Variants in BTD observed in about 807,000 individuals in gnomAD.
The protein encoded by BTD is biotinidase.
In BTD, 13 loss-of-function variants were observed where a neutral mutation model predicts 17.7. The ratio of observed to expected loss-of-function variants is 0.74; its 90% CI spans 0.48 to 1.17. The LOEUF (loss-of-function observed/expected upper bound fraction) is 1.17. Ranked by LOEUF, BTD falls within the 50% of genes most tolerant of loss-of-function variation. The probability of loss-of-function intolerance (pLI) is 0.00; values close to 1 mark genes in which losing one functional copy is unlikely to be tolerated. For synonymous variants in BTD, 240 were observed against 245.2 expected, an observed-to-expected ratio of 0.98 and a Z score of 0.20; for missense variants, 674 against 650.4, an observed-to-expected ratio of 1.04 and a Z score of -0.39.
rs2065740978 is a variant in BTD at position 15,648,330 on chromosome 3, T to C, written c.*2842T>C. ...AAAGGCCTAGATTTGAGACAAGAGCTGATGTGGCCTGAAGATCTGTGAGTG... is the reference window on the plus strand; with the variant it reads ...AAAGGCCTAGATTTGAGACAAGAGCCGATGTGGCCTGAAGATCTGTGAGTG... On this transcript the variant is annotated 3_prime_UTR_variant, in exon 4 of 4. Coordinates refer to ENST00000643237, the MANE Select transcript of BTD (RefSeq NM_001370658.1). Among the ~76,000 whole-genome samples the C allele has an allele frequency of 6.6e-6, 1 of 152,242 alleles. No individual in the cohort carries two copies. The highest frequency in any genetic ancestry group is 6.5e-5 in the Admixed American group (1 of 15,290).
intron 3 of BTD, among the ~76,000 whole-genome samples, chr3:15,666,899 T>C (rs546668377): frequency 2.0e-5 from 3 of 152,340 alleles, no homozygotes; most frequent in African/African-American, 7.2e-5. Flanking sequence ...CCCAATGTGA[T>C]CTTATTCTGT....
chr3:15,672,389 G>A (rs955801472), intron 3 of BTD, among the ~76,000 whole-genome samples: 7 of 152,008 alleles, frequency 4.6e-5, no homozygotes, highest in Admixed American at 6.5e-5. Flanking sequence ...TGATCTTCCC[G>A]CCTCTGCCTC....
chr3:15,654,322 G>C (rs2065849114), downstream of BTD, among the ~76,000 whole-genome samples: 1 of 152,108 alleles, frequency 6.6e-6, no homozygotes, highest in African/African-American at 2.4e-5. Flanking sequence ...TATGTGGGCA[G>C]ACAGCATTGC....
downstream of BTD, among the ~76,000 whole-genome samples, chr3:15,717,280 G>A (rs2073180575): frequency 6.6e-6 from 1 of 152,074 alleles, no homozygotes. Flanking sequence ...GGCCTGGTTA[G>A]AATCCTTTAT....
At chr3:15,667,746 G>T (rs552430875) in intron 3 of BTD, 1 of 152,344 alleles carries the variant, frequency 6.6e-6, no homozygotes, top group African/African-American at 2.4e-5. Flanking sequence ...CAAAAGTAAT[G>T]AAATAGTTTT....
downstream of BTD, among the ~76,000 whole-genome samples, chr3:15,716,923 C>T (rs2073144054): frequency 6.6e-6 from 1 of 152,268 alleles, no homozygotes; most frequent in Non-Finnish European, 1.5e-5. Context: ...GATGGTGCCA[C>T]TGCACTCTGG....
intron 1 of BTD, among the ~76,000 whole-genome samples, chr3:15,605,245 T>A (rs891297258): frequency 2.0e-5 from 3 of 152,152 alleles, no homozygotes; most frequent in African/African-American, 7.2e-5. Context: ...TGGTGGAAGA[T>A]GAAGGAGGAG....
rs1156865072 is a variant in BTD, at chr3:15,647,672, T to G, written c.*2184T>G. On this transcript the variant is annotated 3_prime_UTR_variant, in exon 4 of 4. Coordinates refer to ENST00000643237, the MANE Select transcript of BTD (RefSeq NM_001370658.1). Reference sequence around the variant, plus strand: ...TGACTAATGGTTGTGATTATGTTTTTGTCGATTGTGATCCTGAAACTCAGG... The same window carrying G: ...TGACTAATGGTTGTGATTATGTTTTGGTCGATTGTGATCCTGAAACTCAGG... 1 of 152,260 alleles carries G rather than the reference T, an allele frequency of 6.6e-6. No homozygotes were observed. The highest frequency in any genetic ancestry group is 1.5e-5 in the Non-Finnish European group (1 of 68,054). The allele number at this position is 152,260 out of a possible 1,614,324, so 9.4% of individuals were successfully genotyped here. A position where few individuals can be genotyped will look rare whatever the true frequency, so the allele number is the denominator to read the frequency against.
chr3:15,690,339 CA>C, intron 3 of BTD: 1 of 787,380 alleles, frequency 1.3e-6, no homozygotes, highest in East Asian at 2.7e-5. Context: ...TGAGATAATC[CA>C]AACTTCTACA....
intron 1 of BTD, among the ~76,000 whole-genome samples, chr3:15,605,074 C>T (rs575634052): frequency 2.7e-4 from 41 of 152,294 alleles, no homozygotes; most frequent in African/African-American, 7.2e-4. Flanking sequence ...TCCACAGTTT[C>T]GGCTGTCTTT....
At chr3:15,722,236 G>A (rs1207284977) in exon 5 of BTD, among the ~76,000 whole-genome samples, 1 of 152,126 alleles carries the variant, frequency 6.6e-6, no homozygotes. Flanking sequence ...TGTATTTGGA[G>A]ACTGAAATCA....
chr3:15,687,850 C>T (rs961734865), intron 3 of BTD, among the ~76,000 whole-genome samples: 4 of 152,232 alleles, frequency 2.6e-5, no homozygotes, highest in African/African-American at 7.2e-5. Context: ...AGTTCACAGT[C>T]GCTACTGATG....
chr3:15,642,454 C>CTTTT (rs34597886), intron 3 of BTD, among the ~76,000 whole-genome samples: 2 of 135,778 alleles, frequency 1.5e-5, no homozygotes, highest in Non-Finnish European at 1.6e-5. Context: ...TTGACATCCT[C>CTTTT]TTTTTTTTTT....
downstream of BTD, among the ~76,000 whole-genome samples, chr3:15,658,450 C>T (rs530403753): frequency 1.3e-5 from 2 of 152,192 alleles, no homozygotes; most frequent in Non-Finnish European, 2.9e-5. Context: ...AAATTAGTAC[C>T]AAGGCAATCT....
chr3:15,670,661 A>G, intron 3 of BTD: 1 of 1,145,464 alleles, frequency 8.7e-7, no homozygotes, highest in Non-Finnish European at 1.2e-6. Flanking sequence ...ATTTTACATT[A>G]CTTAGCTTAT....
chr3:15,688,132 A>G (rs552677892), intron 3 of BTD, among the ~76,000 whole-genome samples: 5 of 150,092 alleles, frequency 3.3e-5, no homozygotes, highest in Middle Eastern at 3.4e-3. Flanking sequence ...GGGACTGGCT[A>G]ATGTCTCAGT....
chr3:15,721,056 C>T, intron 4 of BTD: 2 of 1,613,834 alleles, frequency 1.2e-6, no homozygotes, highest in Non-Finnish European at 8.5e-7. Flanking sequence ...TAAGTTCATT[C>T]ACTACAACAT....
At chr3:15,660,297 ATACGGAAAGG>A (rs1372978371) in intron 3 of BTD, among the ~76,000 whole-genome samples, 4 of 152,236 alleles carry the variant, frequency 2.6e-5, no homozygotes, top group Non-Finnish European at 4.4e-5. Flanking sequence ...TGTCCCAGCC[ATACGGAAAGG>A]TGCTTTACCT....
chr3:15,686,495 T>G, intron 3 of BTD: 1 of 599,890 alleles, frequency 1.7e-6, no homozygotes, highest in Non-Finnish European at 2.9e-6. Context: ...GGAATAAATG[T>G]GAATTCCTCA....
Sources: allele counts gnomAD v4.1 joint callset (sites outside exome capture counted in the v4.1 genomes callset), GRCh38; gene constraint gnomAD v4.1.1; transcripts MANE v1.5; gene names NCBI Gene and HGNC (gene_info 2026-07-23, HGNC 2026-07-21).